ATP9A: variants seen among roughly 807,000 people sequenced by gnomAD.
The protein encoded by ATP9A is probable phospholipid-transporting ATPase IIA.
ATP9A carries 52 observed loss-of-function variants against 144.1 expected under a neutral mutation model. The ratio of observed to expected loss-of-function variants is 0.36; its 90% confidence interval spans 0.29 to 0.45. The LOEUF (loss-of-function observed/expected upper bound fraction) is 0.45, where lower values mean the gene tolerates loss of function less well. Among genes scored for constraint, ATP9A ranks in the 20% least tolerant of loss-of-function variants. ATP9A has a pLI of 1.00. For missense variants in ATP9A, 947 were observed against 1,392.7 expected (o/e 0.68, Z 5.09); for synonymous variants, 582 against 557.4 (o/e 1.04, Z -0.62).
intron 1 of ATP9A, among the ~76,000 whole-genome samples, chr20:51,766,844 A>ATAATAATAATAC (rs1262479886): frequency 6.6e-6 from 1 of 152,126 alleles, no homozygotes; most frequent in Non-Finnish European, 1.5e-5. Flanking sequence ...CGTCTCAATA[A>ATAATAATAATAC]TAATAATAAT....
chr20:51,682,352 C>CT (rs2077503316), intron 9 of ATP9A, among the ~76,000 whole-genome samples: 1 of 151,960 alleles, frequency 6.6e-6, no homozygotes, highest in Non-Finnish European at 1.5e-5. Context: ...GTGAACCGTC[C>CT]ACAAAAAATG....
chr20:51,690,612 G>A (rs1261833103), intron 8 of ATP9A, 127 bp downstream of exon 8: 3 of 778,266 alleles, frequency 3.9e-6, no homozygotes, highest in Non-Finnish European at 6.6e-6. Context: ...TCAAGGCGGT[G>A]CCTTCTTTAT....
intron 1 of ATP9A, among the ~76,000 whole-genome samples, chr20:51,760,495 G>A (rs991709078): frequency 1.3e-5 from 2 of 152,184 alleles, no homozygotes; most frequent in African/African-American, 2.4e-5. Context: ...GGGAGGCCAA[G>A]GCAGGCGGAT....
intron 4 of ATP9A, among the ~76,000 whole-genome samples, chr20:51,711,238 A>C (rs2077637221): frequency 6.6e-6 from 1 of 152,210 alleles, no homozygotes; most frequent in African/African-American, 2.4e-5. Context: ...GCATATTTTT[A>C]AGACCACCAA....
intron 1 of ATP9A, among the ~76,000 whole-genome samples, chr20:51,752,665 C>T (rs1038973286): frequency 3.3e-5 from 5 of 152,200 alleles, no homozygotes; most frequent in Admixed American, 1.3e-4. Context: ...TGGTATCACA[C>T]ACAAAACTGC....
chr20:51,671,858 G>A (rs2077457423), intron 11 of ATP9A, among the ~76,000 whole-genome samples: 1 of 152,048 alleles, frequency 6.6e-6, no homozygotes, highest in African/African-American at 2.4e-5. Flanking sequence ...GAGTGCAGTG[G>A]TGCTATTTCA....
At chr20:51,689,618 A>G (rs112247668) in intron 8 of ATP9A, among the ~76,000 whole-genome samples, 14,041 of 150,478 alleles carry the variant, frequency 0.093, 1,097 homozygotes, top group African/African-American at 0.21. Flanking sequence ...GCCCACTGCA[A>G]CCTCCACCTC....
rs1437032114 is a variant in ATP9A at position 51,714,369 on chromosome 20, G to A, written c.328-1295C>T. Among the ~76,000 whole-genome samples, 3 of 151,774 alleles carry A rather than the reference G, an allele frequency of 2.0e-5. No homozygotes were observed. The East Asian group carries it at 5.9e-4, about 30-fold the overall frequency. On this transcript the variant is annotated intron_variant, in intron 3 of 27. Transcript: ENST00000338821. The stretch of plus-strand genomic sequence containing the variant: ...CTGGCTAATTTTTGTATTTTTGGTA[G>A]AGATGGTTTGTTGTTGTTGTTGTTG...
chr20:51,690,844 G>A (rs762506827), intron 7 of ATP9A, 25 bp from the exon 8 acceptor site: 2 of 1,604,300 alleles, frequency 1.2e-6, no homozygotes, highest in Non-Finnish European at 1.7e-6. Flanking sequence ...GCACATTCGG[G>A]AGTCAAAGTC....
chr20:51,624,865 C>A (rs1254471164), intron 18 of ATP9A, among the ~76,000 whole-genome samples: 1 of 151,884 alleles, frequency 6.6e-6, no homozygotes. Flanking sequence ...ATTAGCCAGG[C>A]GTGGTGGTAC....
chr20:51,721,643 A>G lies in ATP9A; in HGVS notation c.327+4176T>C, dbSNP rs571858636. Among the ~76,000 whole-genome samples the G allele has an allele frequency of 3.9e-5, 6 of 152,018 alleles. No individual in the cohort carries two copies. In the East Asian group the frequency reaches 1.2e-3, roughly 30 times the overall value. The stretch of plus-strand genomic sequence containing the variant: ...GTGAAACCCCCTCTCTACTAAAAAT[A>G]CAAAAAAATTAGCCAGGCGTGGTGG... On this transcript the variant is annotated intron_variant, in intron 3 of 27. Transcript: ENST00000338821.
rs373316782 is a variant in ATP9A, at chr20:51,768,302, C to G, written c.68G>C (p.Gly23Ala). 35 of 1,295,566 alleles carry G rather than the reference C, an allele frequency of 2.7e-5. No individual in the cohort carries two copies. Among genetic ancestry groups the G allele is most frequent in the South Asian group, 9.6e-5 (4 of 41,800 alleles). The allele number at this position is 1,295,566 out of a possible 1,614,324, so 80.3% of individuals were successfully genotyped here. ...KKRMDSRPRAGCCEWLRCCGG... is the reference protein window; with the variant it reads ...KKRMDSRPRAACCEWLRCCGG... Reference sequence around the variant, plus strand: ...AAAACACGGGCCCAGGCCCACTCACCCGGCGCGGGGCCTGCTGTCCATCCG... The same window carrying G: ...AAAACACGGGCCCAGGCCCACTCACGCGGCGCGGGGCCTGCTGTCCATCCG... The change falls in exon 1 of 28, where the codon GGG (glycine) becomes GCG (alanine). Residue 23 changes from glycine (G) to alanine (A), a missense_variant and splice_region_variant. Physicochemically the swap from Gly to Ala is moderately conservative, Grantham distance 60 (BLOSUM62 0). Transcript: ENST00000338821.
intron 6 of ATP9A, 57 bp from the exon 7 acceptor site, chr20:51,694,159 C>G: frequency 6.9e-7 from 1 of 1,452,970 alleles, no homozygotes; most frequent in Non-Finnish European, 9.6e-7. Context: ...CCCTTGGCAG[C>G]TCTGGGCAGC....
chr20:51,616,284 C>T (rs911953174), intron 22 of ATP9A, among the ~76,000 whole-genome samples: 2 of 152,142 alleles, frequency 1.3e-5, no homozygotes, highest in Non-Finnish European at 2.9e-5. Flanking sequence ...TCTGCTGCCC[C>T]CTCCGGGCCT....
intron 26 of ATP9A, 102 bp downstream of exon 26, chr20:51,607,425 A>G (rs2077167751): frequency 1.8e-6 from 2 of 1,093,844 alleles, no homozygotes; most frequent in Non-Finnish European, 2.7e-6. Flanking sequence ...CCTTCCTGCT[A>G]TTTCAGATTC....
intron 1 of ATP9A, among the ~76,000 whole-genome samples, chr20:51,742,216 T>G (rs1017981808): frequency 1.3e-5 from 2 of 151,832 alleles, no homozygotes; most frequent in Admixed American, 1.3e-4. Flanking sequence ...TCTCAGCTAC[T>G]TGGGGGGCTA....
At chr20:51,726,363 C>T (rs2077713184) in intron 2 of ATP9A, among the ~76,000 whole-genome samples, 1 of 141,642 alleles carries the variant, frequency 7.1e-6, no homozygotes. Context: ...ATACAATTTA[C>T]ACTATACTTT....
intron 13 of ATP9A, among the ~76,000 whole-genome samples, chr20:51,659,182 C>T (rs2077401335): frequency 6.6e-6 from 1 of 152,194 alleles, no homozygotes; most frequent in Non-Finnish European, 1.5e-5. Context: ...AGAGGCTCTT[C>T]CTGGGCCCCC....
At chr20:51,693,382 G>GCT (rs2077556479) in intron 7 of ATP9A, among the ~76,000 whole-genome samples, 1 of 152,210 alleles carries the variant, frequency 6.6e-6, no homozygotes, top group Non-Finnish European at 1.5e-5. Context: ...CGACAGGCTG[G>GCT]TAGGCAGAGG....
Sources: allele counts gnomAD v4.1 joint callset (sites outside exome capture counted in the v4.1 genomes callset), GRCh38; gene constraint gnomAD v4.1.1; transcripts MANE v1.5; gene names NCBI Gene and HGNC (gene_info 2026-07-23, HGNC 2026-07-21).